IL16: variants seen among roughly 807,000 people sequenced by gnomAD.
IL16 encodes the protein pro-interleukin-16.
A neutral mutation model predicts 110.1 loss-of-function variants in IL16; 67 were observed. The observed-to-expected ratio is 0.61, with a 90% CI of 0.50 to 0.75. The LOEUF (loss-of-function observed/expected upper bound fraction) is 0.75, where lower values mean the gene tolerates loss of function less well. IL16 is among the 30% of genes least tolerant of loss of function. IL16 has a pLI of 0.00. For synonymous variants in IL16, 689 were observed against 662.9 expected, an observed-to-expected ratio of 1.04 and a Z score of -0.61; for missense variants, 1,545 against 1,655.0, an observed-to-expected ratio of 0.93 and a Z score of 1.15.
intron 1 of IL16, among the ~76,000 whole-genome samples, chr15:81,188,626 C>G (rs574212866): frequency 1.0e-3 from 157 of 152,246 alleles, no homozygotes; most frequent in Non-Finnish European, 2.0e-3. Context: ...AGGGTGTGCA[C>G]GTGCATACGT....
intron 1 of IL16, among the ~76,000 whole-genome samples, chr15:81,209,689 G>A (rs148439483): frequency 2.1e-3 from 321 of 152,180 alleles, no homozygotes; most frequent in East Asian, 7.7e-3. Context: ...GGAGAAGCTC[G>A]GAGTACTCAA....
intron 2 of IL16, among the ~76,000 whole-genome samples, chr15:81,232,619 A>G (rs1458102390): frequency 6.6e-6 from 1 of 152,178 alleles, no homozygotes; most frequent in Non-Finnish European, 1.5e-5. Context: ...AGATGCTCGT[A>G]TGGAGTTTTA....
chr15:81,196,752 G>A (rs779301420), upstream of IL16: 27 of 807,436 alleles, frequency 3.3e-5, no homozygotes, highest in Non-Finnish European at 4.1e-5. Context: ...CCAGCAGATG[G>A]TGGACCTTGT....
At chr15:81,222,261 C>T (rs1896640964) in intron 1 of IL16, among the ~76,000 whole-genome samples, 1 of 151,916 alleles carries the variant, frequency 6.6e-6, no homozygotes, top group Non-Finnish European at 1.5e-5. Flanking sequence ...GGCTTCTCTC[C>T]TAGGCTTGGG....
chr15:81,283,758 C>T (rs907774915), intron 9 of IL16, among the ~76,000 whole-genome samples: 10 of 152,228 alleles, frequency 6.6e-5, no homozygotes, highest in African/African-American at 1.7e-4. Flanking sequence ...ATAATCCCAG[C>T]GCTTTGGGAG....
intron 2 of IL16, among the ~76,000 whole-genome samples, chr15:81,252,774 T>C (rs1038172482): frequency 3.3e-5 from 5 of 152,364 alleles, no homozygotes; most frequent in African/African-American, 9.6e-5. Flanking sequence ...TTTCATTTAA[T>C]GTTTTCAAGA....
intron 5 of IL16, among the ~76,000 whole-genome samples, chr15:81,270,202 A>G (rs1898569919): frequency 6.6e-6 from 1 of 152,140 alleles, no homozygotes; most frequent in African/African-American, 2.4e-5. Context: ...TTCATAATGG[A>G]GATATAGCCA....
At chr15:81,235,423 T>C (rs1897147578) in intron 2 of IL16, among the ~76,000 whole-genome samples, 1 of 152,074 alleles carries the variant, frequency 6.6e-6, no homozygotes, top group Admixed American at 6.6e-5. Flanking sequence ...CCCAGACTCT[T>C]TTTAACAACC....
intron 1 of IL16, chr15:81,188,240 G>C: frequency 2.3e-6 from 1 of 439,706 alleles, no homozygotes; most frequent in South Asian, 1.6e-5. Context: ...GTGTCGGGCA[G>C]ATGTGCTTTC....
chr15:81,242,869 G>T (rs1897382773), intron 2 of IL16, among the ~76,000 whole-genome samples: 1 of 151,612 alleles, frequency 6.6e-6, no homozygotes, highest in South Asian at 2.1e-4. Context: ...TTCTTTATGA[G>T]GTTGAAGATA....
At chr15:81,245,910 C>G (rs1383625050) in intron 2 of IL16, among the ~76,000 whole-genome samples, 1 of 151,754 alleles carries the variant, frequency 6.6e-6, no homozygotes. Flanking sequence ...TGTTTAACAT[C>G]AAATATCTAG....
chr15:81,292,334 A>C, intron 11 of IL16: 1 of 628,874 alleles, frequency 1.6e-6, no homozygotes. Flanking sequence ...CATATACATC[A>C]GTCATAGGCT....
intron 1 of IL16, among the ~76,000 whole-genome samples, chr15:81,190,295 C>T (rs943761591): frequency 6.6e-6 from 1 of 152,198 alleles, no homozygotes; most frequent in East Asian, 1.9e-4. Flanking sequence ...ATAGCACCAC[C>T]CAGGCACTGA....
chr15:81,192,500 T>C (rs1895513747), upstream of IL16, among the ~76,000 whole-genome samples: 1 of 152,066 alleles, frequency 6.6e-6, no homozygotes, highest in South Asian at 2.1e-4. Context: ...TCCTAGCTAC[T>C]CGGGAGGCTG....
At chr15:81,296,770 C>A in intron 12 of IL16, 158 bp from the exon 13 acceptor site, 1 of 655,630 alleles carries the variant, frequency 1.5e-6, no homozygotes, top group Non-Finnish European at 2.6e-6. Flanking sequence ...GCCACGTCAG[C>A]ACCAAGGAGA....
chr15:81,273,005 G>A (rs960910419), intron 5 of IL16, 85 bp from the exon 6 acceptor site: 8 of 1,028,932 alleles, frequency 7.8e-6, no homozygotes, highest in Non-Finnish European at 1.2e-5. Context: ...TTTGTTCAGG[G>A]CTGAGGCAGG....
At chr15:81,289,916 G>T (rs1298054854) in intron 10 of IL16, 1 of 454,252 alleles carries the variant, frequency 2.2e-6, no homozygotes, top group Non-Finnish European at 4.4e-6. Context: ...GGAAGAAATG[G>T]AGGCTCAGGA....
intron 1 of IL16, among the ~76,000 whole-genome samples, chr15:81,211,701 T>C (rs191198864): frequency 6.6e-6 from 1 of 152,268 alleles, no homozygotes; most frequent in African/African-American, 2.4e-5. Context: ...TTTAGGTGTT[T>C]ATTATTATTA....
At chr15:81,259,604 G>C (rs1400370753) in intron 2 of IL16, among the ~76,000 whole-genome samples, 168 bp from the exon 3 acceptor site, 1 of 152,202 alleles carries the variant, frequency 6.6e-6, no homozygotes, top group East Asian at 1.9e-4. Context: ...ATGTCTATGA[G>C]TGAAAGGATG....
Sources: allele counts gnomAD v4.1 joint callset (sites outside exome capture counted in the v4.1 genomes callset), GRCh38; gene constraint gnomAD v4.1.1; transcripts MANE v1.5; gene names NCBI Gene and HGNC (gene_info 2026-07-23, HGNC 2026-07-21).